The following KCNQ5 variants were observed in gnomAD, a reference collection of about 807,000 sequenced individuals.
KCNQ5 encodes the protein potassium voltage-gated channel subfamily Q member 5.
Under a neutral mutation model 98.2 loss-of-function variants are expected in KCNQ5, and 30 were observed. The ratio of observed to expected loss-of-function variants is 0.31; its 90% confidence interval spans 0.23 to 0.41. KCNQ5 has a LOEUF of 0.41. Ranked by LOEUF, KCNQ5 falls within the 10% of genes least tolerant of loss-of-function variation. The pLI is 1.00. For missense variants in KCNQ5, 835 were observed against 1,182.5 expected, an observed-to-expected ratio of 0.71 and a Z score of 4.31; for synonymous variants, 458 against 449.4, an observed-to-expected ratio of 1.02 and a Z score of -0.24.
At chr6:72,819,963 C>T (rs1775677753) in intron 1 of KCNQ5, among the ~76,000 whole-genome samples, 1 of 152,186 alleles carries the variant, frequency 6.6e-6, no homozygotes, top group Non-Finnish European at 1.5e-5. Flanking sequence ...TGCTCCCATT[C>T]CTTCCTCTGC....
At chr6:72,925,984 AAG>A (rs1431924527) in intron 1 of KCNQ5, among the ~76,000 whole-genome samples, 1 of 152,226 alleles carries the variant, frequency 6.6e-6, no homozygotes, top group Non-Finnish European at 1.5e-5. Flanking sequence ...ATGTTGCATA[AAG>A]ATTACTCTAT....
chr6:72,986,678 G>C, intron 1 of KCNQ5: 1 of 987,870 alleles, frequency 1.0e-6, no homozygotes, highest in Non-Finnish European at 1.6e-6. Context: ...TGGCCATTTG[G>C]AGTTCCTCTG....
chr6:72,671,428 T>C (rs774640210), intron 1 of KCNQ5, among the ~76,000 whole-genome samples: 2 of 152,174 alleles, frequency 1.3e-5, no homozygotes, highest in Non-Finnish European at 2.9e-5. Context: ...GTCTCAGTAA[T>C]TGCAACTACT....
intron 1 of KCNQ5, among the ~76,000 whole-genome samples, chr6:72,668,678 G>C (rs1037968504): frequency 1.3e-5 from 2 of 151,668 alleles, no homozygotes; most frequent in Non-Finnish European, 2.9e-5. Flanking sequence ...CTGGAGGCTG[G>C]AAGTTTCAGA....
intron 1 of KCNQ5, among the ~76,000 whole-genome samples, chr6:72,719,368 T>G (rs1769827969): frequency 1.3e-5 from 2 of 152,188 alleles, no homozygotes; most frequent in Admixed American, 1.3e-4. Context: ...AGCCCCTCTC[T>G]CATGGGTTTC....
At chr6:72,913,907 G>A (rs1013167212) in intron 1 of KCNQ5, among the ~76,000 whole-genome samples, 6 of 152,212 alleles carry the variant, frequency 3.9e-5, no homozygotes, top group African/African-American at 1.4e-4. Context: ...AAAAGGGAAT[G>A]ACCTAATGGT....
intron 1 of KCNQ5, among the ~76,000 whole-genome samples, chr6:72,647,806 G>A (rs1018746310): frequency 1.3e-5 from 2 of 152,138 alleles, no homozygotes; most frequent in Non-Finnish European, 2.9e-5. Flanking sequence ...CAGTATTGAC[G>A]ATAAGCATGA....
chr6:72,780,984 T>G (rs1773435440), intron 1 of KCNQ5, among the ~76,000 whole-genome samples: 1 of 152,186 alleles, frequency 6.6e-6, no homozygotes, highest in Non-Finnish European at 1.5e-5. Flanking sequence ...CTTGTTTATA[T>G]CTAAACATAA....
At chr6:72,811,730 A>AC (rs1775249833) in intron 1 of KCNQ5, among the ~76,000 whole-genome samples, 1 of 152,138 alleles carries the variant, frequency 6.6e-6, no homozygotes, top group African/African-American at 2.4e-5. Context: ...GACTTCTGTT[A>AC]CCGGAAAGGG....
At chr6:72,809,443 T>G (rs889828405) in intron 1 of KCNQ5, among the ~76,000 whole-genome samples, 2 of 151,934 alleles carry the variant, frequency 1.3e-5, no homozygotes, top group African/African-American at 4.8e-5. Context: ...TCCCAGCTAC[T>G]CAGGAGGCTG....
At chr6:72,728,618 G>C (rs567458203) in intron 1 of KCNQ5, among the ~76,000 whole-genome samples, 25 of 152,324 alleles carry the variant, frequency 1.6e-4, no homozygotes, top group African/African-American at 6.0e-4. Context: ...TCTGGAAGAA[G>C]GTAATGTTCT....
intron 1 of KCNQ5, among the ~76,000 whole-genome samples, chr6:72,839,437 T>C (rs1582390726): frequency 6.6e-6 from 1 of 152,220 alleles, no homozygotes; most frequent in East Asian, 1.9e-4. Context: ...TAAAAGTAGA[T>C]CGTGTTTTCC....
intron 1 of KCNQ5, among the ~76,000 whole-genome samples, chr6:72,792,363 G>T (rs1361897717): frequency 1.3e-5 from 2 of 152,016 alleles, no homozygotes; most frequent in East Asian, 3.9e-4. Context: ...CTTGCCCTTC[G>T]AAGCACAATA....
chr6:72,709,886 C>T (rs1196840616), intron 1 of KCNQ5, among the ~76,000 whole-genome samples: 2 of 152,064 alleles, frequency 1.3e-5, no homozygotes, highest in Admixed American at 6.6e-5. Flanking sequence ...AGTACCTGAA[C>T]CCATGAATCT....
intron 10 of KCNQ5, among the ~76,000 whole-genome samples, chr6:73,159,802 T>C (rs958069150): frequency 1.3e-5 from 2 of 152,206 alleles, no homozygotes; most frequent in African/African-American, 4.8e-5. Context: ...ATATTAAGCC[T>C]TTTTTATATT....
At chr6:73,180,023 G>T (rs959224183) in intron 11 of KCNQ5, among the ~76,000 whole-genome samples, 2 of 149,882 alleles carry the variant, frequency 1.3e-5, no homozygotes, top group Non-Finnish European at 3.0e-5. Context: ...ATGAATGAAT[G>T]GACAAATTCT....
intron 11 of KCNQ5, among the ~76,000 whole-genome samples, chr6:73,182,710 C>G (rs1161781334): frequency 2.0e-5 from 3 of 152,168 alleles, no homozygotes; most frequent in Non-Finnish European, 4.4e-5. Flanking sequence ...CTTCCTTGCT[C>G]CCTGCAAGTA....
intron 1 of KCNQ5, among the ~76,000 whole-genome samples, chr6:72,721,923 G>A (rs2154475391): frequency 6.6e-6 from 1 of 152,184 alleles, no homozygotes; most frequent in Admixed American, 6.5e-5. Flanking sequence ...ACCTTATTTG[G>A]CAAAGGAACT....
At chr6:72,691,652 G>C (rs1765288803) in intron 1 of KCNQ5, among the ~76,000 whole-genome samples, 1 of 152,152 alleles carries the variant, frequency 6.6e-6, no homozygotes, top group Non-Finnish European at 1.5e-5. Flanking sequence ...ATAAGAAAAA[G>C]AATTACTATA....
Sources: gnomAD v4.1 joint callset for allele counts (sites outside exome capture counted in the v4.1 genomes callset) on GRCh38, gnomAD v4.1.1 for gene constraint, MANE v1.5 for transcripts, NCBI Gene and HGNC (gene_info 2026-07-23, HGNC 2026-07-21) for gene names.